Variants in SMYD3 observed in about 807,000 individuals in gnomAD.
The protein encoded by SMYD3 is SET and MYND domain containing 3.
SMYD3 carries 36 observed loss-of-function variants against 57.7 expected under a neutral mutation model. That is an observed-to-expected ratio of 0.62 (90% CI 0.48 to 0.82). The LOEUF (loss-of-function observed/expected upper bound fraction) is 0.82, where lower values mean the gene tolerates loss of function less well. SMYD3 is among the 40% of genes least tolerant of loss of function. The probability of loss-of-function intolerance (pLI) is 0.00; values close to 1 mark genes in which losing one functional copy is unlikely to be tolerated. For missense variants in SMYD3, 515 were observed against 538.8 expected, an observed-to-expected ratio of 0.96 and a Z score of 0.44; for synonymous variants, 211 against 195.0, an observed-to-expected ratio of 1.08 and a Z score of -0.68.
rs1161942917 is a variant in SMYD3, at chr1:245,765,889, TATATA to T, written c.1077-1745_1077-1741del. 2.0e-5 allele frequency among the ~76,000 whole-genome samples: 3 copies of T among 152,210 alleles called. No individual in the cohort carries two copies. In the East Asian group the frequency reaches 5.8e-4, roughly 29 times the overall value. Reference sequence around the variant, plus strand: ...CCAGAGAACCCCATCTAAGCTCTATTATATAACAGTGATGAGGCGGATTTACCAGG... The same window carrying T: ...CCAGAGAACCCCATCTAAGCTCTATTACAGTGATGAGGCGGATTTACCAGG... On this transcript the variant is annotated intron_variant, in intron 10 of 11. Coordinates refer to ENST00000490107, the MANE Select transcript of SMYD3 (RefSeq NM_001167740.2).
intron 1 of SMYD3, among the ~76,000 whole-genome samples, chr1:246,409,851 T>C (rs1364766723): frequency 2.0e-5 from 3 of 152,204 alleles, no homozygotes; most frequent in Admixed American, 6.5e-5. Flanking sequence ...TTTTATTTCA[T>C]TGAGCAGTGG....
At chr1:245,828,890 A>G (rs1293524982) in intron 10 of SMYD3, among the ~76,000 whole-genome samples, 2 of 151,972 alleles carry the variant, frequency 1.3e-5, no homozygotes, top group African/African-American at 2.4e-5. Flanking sequence ...TTTAGTAGAG[A>G]TGGGGTTTCG....
chr1:246,141,426 T>C lies in SMYD3; in HGVS notation c.531+185775A>G, dbSNP rs554240354. On this transcript the variant is annotated intron_variant, in intron 5 of 11. Transcript: ENST00000490107. ...ACAATTATTTCTCAAATTTTATCAT[T>C]TGTACGGATATTCAAAGGAATTTTA... 3.9e-5 allele frequency among the ~76,000 whole-genome samples: 6 copies of C among 152,276 alleles called. No homozygotes were observed. The East Asian group carries it at 9.6e-4, about 24-fold the overall frequency.
At chr1:245,774,806 T>C (rs912073385) in intron 10 of SMYD3, among the ~76,000 whole-genome samples, 1 of 151,556 alleles carries the variant, frequency 6.6e-6, no homozygotes, top group East Asian at 2.0e-4. Flanking sequence ...CCCTGCCTGA[T>C]TCTCCTGCCT....
At chr1:246,300,836 C>T (rs2064882092) in intron 5 of SMYD3, among the ~76,000 whole-genome samples, 1 of 152,144 alleles carries the variant, frequency 6.6e-6, no homozygotes, top group Non-Finnish European at 1.5e-5. Flanking sequence ...TCTCAAAGCA[C>T]ATCAAGTTTG....
intron 5 of SMYD3, among the ~76,000 whole-genome samples, chr1:246,191,788 C>T (rs909381907): frequency 6.6e-6 from 1 of 152,144 alleles, no homozygotes; most frequent in Non-Finnish European, 1.5e-5. Flanking sequence ...ACTGGATTCT[C>T]GAAGAATCAA....
chr1:245,777,173 C>G (rs932716765), intron 10 of SMYD3, among the ~76,000 whole-genome samples: 2 of 152,132 alleles, frequency 1.3e-5, no homozygotes, highest in Non-Finnish European at 2.9e-5. Context: ...ATTACAGTAA[C>G]AGCAGTTCAT....
rs140664665 is a variant in SMYD3, at chr1:246,474,664, A to G, written c.164+32390T>C. 1.6e-3 allele frequency among the ~76,000 whole-genome samples: 248 copies of G among 152,314 alleles called. 2 individuals are homozygous for G. Among genetic ancestry groups the G allele is most frequent in the African/African-American group, 5.8e-3 (242 of 41,562 alleles). ...AAGGATTGAGTTTTTAATCTCTACT[A>G]TATATAAAATAGGACTCTAACAATT... On this transcript the variant is annotated intron_variant, in intron 1 of 11. Coordinates refer to ENST00000490107, the MANE Select transcript of SMYD3 (RefSeq NM_001167740.2).
chr1:246,101,071 G>GTTTTTTTTTT (rs754724096), intron 5 of SMYD3, among the ~76,000 whole-genome samples: 2 of 54,120 alleles, frequency 3.7e-5, no homozygotes, highest in African/African-American at 5.2e-5. Context: ...GGGGTTTTTT[G>GTTTTTTTTTT]TTTTTTTTTT....
intron 7 of SMYD3, among the ~76,000 whole-genome samples, chr1:245,924,496 C>T (rs913056730): frequency 2.0e-5 from 3 of 152,170 alleles, no homozygotes; most frequent in Admixed American, 6.5e-5. Context: ...TCTGTTATCA[C>T]AGACCTTGTG....
At chr1:246,103,893 T>A (rs1277426384) in intron 5 of SMYD3, among the ~76,000 whole-genome samples, 1 of 152,194 alleles carries the variant, frequency 6.6e-6, no homozygotes, top group Non-Finnish European at 1.5e-5. Flanking sequence ...CTTTTTTCCT[T>A]TGACTTTATC....
At chr1:246,085,625 G>A (rs541083461) in intron 5 of SMYD3, among the ~76,000 whole-genome samples, 2 of 152,084 alleles carry the variant, frequency 1.3e-5, no homozygotes, top group Admixed American at 1.3e-4. Flanking sequence ...CTCATCCCCC[G>A]CTTTGTCCTA....
At chr1:245,926,627 C>G (rs73126402) in intron 7 of SMYD3, among the ~76,000 whole-genome samples, 1 of 152,116 alleles carries the variant, frequency 6.6e-6, no homozygotes, top group Non-Finnish European at 1.5e-5. Context: ...AAAGCAACCA[C>G]GGGAGAATGA....
At chr1:245,895,357 CAT>C (rs1448563580) in intron 8 of SMYD3, among the ~76,000 whole-genome samples, 1 of 152,136 alleles carries the variant, frequency 6.6e-6, no homozygotes, top group Admixed American at 6.6e-5. Flanking sequence ...CTGAGGACAA[CAT>C]AGTTTGGTTA....
At chr1:245,957,688 T>C (rs1230169162) in intron 5 of SMYD3, among the ~76,000 whole-genome samples, 1 of 152,182 alleles carries the variant, frequency 6.6e-6, no homozygotes, top group African/African-American at 2.4e-5. Flanking sequence ...ATCAGTACTG[T>C]TTCCTCCATA....
At chr1:245,955,818 C>T (rs2057822556) in intron 5 of SMYD3, 1 of 466,382 alleles carries the variant, frequency 2.1e-6, no homozygotes, top group African/African-American at 2.1e-5. Flanking sequence ...GCTTTGCATA[C>T]TTTTGGCTAC....
rs1453814732 is a variant in SMYD3 at position 245,822,439 on chromosome 1, C to T, written c.1076+36057G>A. On this transcript the variant is annotated intron_variant, in intron 10 of 11. Transcript: ENST00000490107. Reference sequence around the variant, plus strand: ...GGAGGGATAGCACTGGGAGATATACCTAATGCTAGATGACGAGTTAGTGGG... The same window carrying T: ...GGAGGGATAGCACTGGGAGATATACTTAATGCTAGATGACGAGTTAGTGGG... 2.7e-5 allele frequency among the ~76,000 whole-genome samples: 4 copies of T among 150,368 alleles called. No homozygotes were observed. The East Asian group carries it at 7.8e-4, about 29-fold the overall frequency.
chr1:246,118,962 T>A (rs1263962101), intron 5 of SMYD3, among the ~76,000 whole-genome samples: 1 of 152,138 alleles, frequency 6.6e-6, no homozygotes, highest in African/African-American at 2.4e-5. Context: ...GAGGACCTTC[T>A]AAAGATGCTT....
At chr1:246,316,291 G>A (rs2065154561) in intron 5 of SMYD3, among the ~76,000 whole-genome samples, 2 of 151,552 alleles carry the variant, frequency 1.3e-5, no homozygotes, top group South Asian at 2.1e-4. Flanking sequence ...GGAGACTGAG[G>A]CAGGAAGATT....
Sources: allele counts gnomAD v4.1 joint callset (sites outside exome capture counted in the v4.1 genomes callset), GRCh38; gene constraint gnomAD v4.1.1; transcripts MANE v1.5; gene names NCBI Gene and HGNC (gene_info 2026-07-23, HGNC 2026-07-21).